BTRC: variants seen among roughly 807,000 people sequenced by gnomAD.
BTRC encodes the protein beta-transducin repeat containing E3 ubiquitin protein ligase.
Under a neutral mutation model 85.5 loss-of-function variants are expected in BTRC, and 42 were observed. The observed-to-expected ratio is 0.49, with a 90% confidence interval of 0.38 to 0.64. The LOEUF (loss-of-function observed/expected upper bound fraction) is 0.64. Ranked by LOEUF, BTRC falls within the 30% of genes least tolerant of loss-of-function variation. The pLI, the probability that BTRC is intolerant of heterozygous loss-of-function variation, is 0.00. For synonymous variants in BTRC, 255 were observed against 263.3 expected (o/e 0.97, Z 0.30); for missense variants, 594 against 743.5 (o/e 0.80, Z 2.34).
At chr10:101,530,406 C>CT (rs918241666) in intron 6 of BTRC, among the ~76,000 whole-genome samples, 1 of 151,980 alleles carries the variant, frequency 6.6e-6, no homozygotes, top group African/African-American at 2.4e-5. Context: ...ACACCTTACC[C>CT]TGTACAAATA....
At chr10:101,394,126 C>T (rs1187446772) in intron 1 of BTRC, among the ~76,000 whole-genome samples, 1 of 152,056 alleles carries the variant, frequency 6.6e-6, no homozygotes, top group Admixed American at 6.6e-5. Context: ...TATTATGGAG[C>T]TAGAGGTGGA....
Position 101,468,570 on chromosome 10 carries a change from G to C in BTRC, c.234+6512G>C, listed in dbSNP as rs1945440501. Among the ~76,000 whole-genome samples, 3 of 152,086 alleles carry C rather than the reference G, an allele frequency of 2.0e-5. No individual in the cohort carries two copies. The South Asian group carries it at 6.2e-4, about 32-fold the overall frequency. ...CCCACTTCCAGCTTCCTTAGATATT[G>C]CTTTTTGGTTTGCTTTTTCTATACC... On this transcript the variant is annotated intron_variant, in intron 3 of 14. Transcript: ENST00000370187.
rs1332860746 is a variant in BTRC at position 101,554,584 on chromosome 10, G to A, written c.*1461G>A. ...GGATCAGGGTGAAGTTTGGCACACA[G>A]GGTTTATTAATGGGGCAAAAACTGC... On this transcript the variant is annotated 3_prime_UTR_variant, in exon 15 of 15. Transcript: ENST00000370187. 1 of 152,642 alleles carries A rather than the reference G, an allele frequency of 6.6e-6. No individual in the cohort carries two copies. The highest frequency in any genetic ancestry group is 1.9e-4 in the East Asian group (1 of 5,202). The allele number at this position is 152,642 out of a possible 1,614,324, so 9.5% of individuals were successfully genotyped here.
chr10:101,462,620 G>A lies in BTRC; in HGVS notation c.234+562G>A, dbSNP rs376641778. 1.7e-4 allele frequency among the ~76,000 whole-genome samples: 26 copies of A among 150,564 alleles called. No homozygotes were observed. The East Asian group carries it at 3.8e-3, about 22-fold the overall frequency. ...CTTGAACCCCAGAGGCAGAGGTTGC[G>A]GTGAGCTGAGATTGCGCCATTGCAC... On this transcript the variant is annotated intron_variant, in intron 3 of 14. Transcript: ENST00000370187.
At chr10:101,487,851 CAAAA>C (rs1179773708) in intron 4 of BTRC, among the ~76,000 whole-genome samples, 1 of 151,806 alleles carries the variant, frequency 6.6e-6, no homozygotes, top group South Asian at 2.1e-4. Context: ...AAAAGGAAAG[CAAAA>C]AAATCTGTGT....
Position 101,534,871 on chromosome 10 carries a change from C to T in BTRC, c.1308C>T (p.Asp436=), listed in dbSNP as rs1442796851. 3 of 1,613,930 alleles carry T rather than the reference C, an allele frequency of 1.9e-6. No individual in the cohort carries two copies. The highest frequency in any genetic ancestry group is 2.7e-5 in the African/African-American group (2 of 74,876). ...RAAVNVVDFD[D]KYIVSASGDR... ...CTGTCAATGTTGTAGACTTTGATGACAAGTACATTGTTTCTGCATCTGGGG... is the reference window on the plus strand; with the variant it reads ...CTGTCAATGTTGTAGACTTTGATGATAAGTACATTGTTTCTGCATCTGGGG... Residue 436 remains aspartate (D), a synonymous_variant, in exon 10 of 15, where the codon GAC becomes GAT. Coordinates refer to ENST00000370187, the MANE Select transcript of BTRC (RefSeq NM_033637.4).
intron 1 of BTRC, among the ~76,000 whole-genome samples, chr10:101,390,775 A>G: frequency 6.6e-6 from 1 of 152,164 alleles, no homozygotes; most frequent in Admixed American, 6.5e-5. Context: ...AAAAGAAAGA[A>G]AGAAAGAAAG....
chr10:101,549,713 C>CAAAAAAAAAAAAAAAAAAAA lies in BTRC; in HGVS notation c.1657-982_1657-963dup, dbSNP rs755481178. 1.4e-3 allele frequency among the ~76,000 whole-genome samples: 60 copies of CAAAAAAAAAAAAAAAAAAAA among 42,752 alleles called. 10 individuals carry two copies. The highest frequency in any genetic ancestry group is 8.8e-3 in the East Asian group (7 of 792). 28.0% of individuals were successfully genotyped at this position (42,752 alleles called of 152,430 possible). A position where few individuals can be genotyped will look rare whatever the true frequency, so the allele number is the denominator to read the frequency against. On this transcript the variant is annotated intron_variant, in intron 13 of 14. Transcript: ENST00000370187. Reference sequence around the variant, plus strand: ...GGGGCGAAAGAGCGAGACTCTGTCTCAAAAAAAAAAAAAAAAAAAAAAAGA... The same window carrying CAAAAAAAAAAAAAAAAAAAA: ...GGGGCGAAAGAGCGAGACTCTGTCTCAAAAAAAAAAAAAAAAAAAAAAAAAAAAAAAAAAAAAAAAAAAGA...
At chr10:101,466,541 G>T (rs533729127) in intron 3 of BTRC, among the ~76,000 whole-genome samples, 13 of 152,236 alleles carry the variant, frequency 8.5e-5, no homozygotes, top group African/African-American at 3.1e-4. Flanking sequence ...TGCAGTGAGG[G>T]TTTACATTGA....
intron 4 of BTRC, among the ~76,000 whole-genome samples, chr10:101,508,165 A>G (rs1433022345): frequency 6.6e-6 from 1 of 152,234 alleles, no homozygotes; most frequent in Non-Finnish European, 1.5e-5. Flanking sequence ...AATTTTATAT[A>G]TGACTTTTCC....
intron 1 of BTRC, among the ~76,000 whole-genome samples, chr10:101,366,852 ATATATATT>A (rs1382670249): frequency 1.2e-4 from 3 of 24,330 alleles, no homozygotes; most frequent in Non-Finnish European, 2.0e-4. Context: ...ATGTATATTA[ATATATATT>A]TATATATTAA....
chr10:101,501,549 G>C (rs1946401478), intron 4 of BTRC, among the ~76,000 whole-genome samples: 1 of 152,182 alleles, frequency 6.6e-6, no homozygotes. Context: ...TTTGTTTCCA[G>C]AGCATCAAAG....
intron 2 of BTRC, among the ~76,000 whole-genome samples, chr10:101,431,964 T>A (rs1944414027): frequency 6.6e-6 from 1 of 152,188 alleles, no homozygotes; most frequent in Admixed American, 6.5e-5. Context: ...TTGTCACTAG[T>A]GGTATGATCC....
intron 4 of BTRC, among the ~76,000 whole-genome samples, chr10:101,508,026 C>G (rs931393204): frequency 1.3e-5 from 2 of 152,156 alleles, no homozygotes; most frequent in Admixed American, 6.5e-5. Flanking sequence ...TATAAAGTTG[C>G]ATGAGGGGGC....
At chr10:101,524,649 C>T (rs149320258) in intron 5 of BTRC, among the ~76,000 whole-genome samples, 11 of 152,234 alleles carry the variant, frequency 7.2e-5, no homozygotes, top group Admixed American at 2.6e-4. Context: ...AATTTGATGG[C>T]ACCCATTAAA....
At chr10:101,433,145 G>A (rs1944443867) in intron 2 of BTRC, among the ~76,000 whole-genome samples, 1 of 152,156 alleles carries the variant, frequency 6.6e-6, no homozygotes, top group South Asian at 2.1e-4. Flanking sequence ...TTGGTGAAGA[G>A]TAATTCTTCA....
chr10:101,386,950 G>A (rs1161325351), intron 1 of BTRC, among the ~76,000 whole-genome samples: 1 of 151,972 alleles, frequency 6.6e-6, no homozygotes, highest in Non-Finnish European at 1.5e-5. Flanking sequence ...TTGATTTTTG[G>A]GTTTGATGTG....
chr10:101,357,181 G>T (rs1942060951), intron 1 of BTRC, among the ~76,000 whole-genome samples: 1 of 150,822 alleles, frequency 6.6e-6, no homozygotes, highest in Admixed American at 6.6e-5. Flanking sequence ...GGTGGCTCAT[G>T]CCTGTAATCC....
rs565007304 is a variant in BTRC at position 101,477,033 on chromosome 10, G to A, written c.235-2335G>A. ...GCTCTGTCACCCACGCTGGAGTGCC[G>A]TGGCACGATCTAGGCTTACTGCAGC... On this transcript the variant is annotated intron_variant, in intron 3 of 14. Coordinates refer to ENST00000370187, the MANE Select transcript of BTRC (RefSeq NM_033637.4). Among the ~76,000 whole-genome samples the A allele has an allele frequency of 7.0e-4, 106 of 152,252 alleles. 1 individual carries two copies. The South Asian group carries it at 0.016, about 23-fold the overall frequency.
Sources: gnomAD v4.1 joint callset for allele counts (sites outside exome capture counted in the v4.1 genomes callset) on GRCh38, gnomAD v4.1.1 for gene constraint, MANE v1.5 for transcripts, NCBI Gene and HGNC (gene_info 2026-07-23, HGNC 2026-07-21) for gene names.